Variants in SMYD3 observed in about 807,000 individuals in gnomAD.
The protein encoded by SMYD3 is histone-lysine N-methyltransferase SMYD3.
SMYD3 carries 36 observed loss-of-function variants against 57.7 expected under a neutral mutation model. The ratio of observed to expected loss-of-function variants is 0.62; its 90% confidence interval spans 0.48 to 0.82. The LOEUF (loss-of-function observed/expected upper bound fraction) is 0.82, where lower values mean the gene tolerates loss of function less well. SMYD3 is among the 40% of genes least tolerant of loss of function. The pLI is 0.00. For missense variants in SMYD3, 515 were observed against 538.8 expected, an observed-to-expected ratio of 0.96 and a Z score of 0.44; for synonymous variants, 211 against 195.0, an observed-to-expected ratio of 1.08 and a Z score of -0.68.
rs753062449 is a variant in SMYD3 at position 246,202,677 on chromosome 1, C to T, written c.531+124524G>A. 3.2e-4 allele frequency among the ~76,000 whole-genome samples: 48 copies of T among 152,316 alleles called. No homozygotes were observed. The highest frequency in any genetic ancestry group is 5.9e-4 in the Non-Finnish European group (40 of 68,036). On this transcript the variant is annotated intron_variant, in intron 5 of 11. Coordinates refer to ENST00000490107, the MANE Select transcript of SMYD3 (RefSeq NM_001167740.2). This position sits in a 1 kb window ranked among gnomAD's most constrained non-coding sequence, Gnocchi z 4.1. ...TGACAACAAGGACTTCCTGGTATCA[C>T]GCTAGCTAACAAAATATACTCCAAA...
At chr1:246,171,033 C>A (rs968218011) in intron 5 of SMYD3, among the ~76,000 whole-genome samples, 4 of 152,026 alleles carry the variant, frequency 2.6e-5, no homozygotes, top group African/African-American at 7.2e-5. Flanking sequence ...TTCAGATTAT[C>A]AATTTCTGAG....
At chr1:246,209,374 T>C (rs765867968) in intron 5 of SMYD3, among the ~76,000 whole-genome samples, 24 of 152,106 alleles carry the variant, frequency 1.6e-4, no homozygotes, top group Non-Finnish European at 2.8e-4. Flanking sequence ...TACTACAAAA[T>C]GGCATAAGGC....
chr1:246,352,615 T>C (rs558423809), intron 2 of SMYD3, among the ~76,000 whole-genome samples: 1 of 152,356 alleles, frequency 6.6e-6, no homozygotes, highest in South Asian at 2.1e-4. Flanking sequence ...CTAGCTGTTT[T>C]CCTGTTACCT....
chr1:245,841,454 C>T (rs2050396132), intron 10 of SMYD3, among the ~76,000 whole-genome samples: 1 of 152,102 alleles, frequency 6.6e-6, no homozygotes, highest in Admixed American at 6.6e-5. Flanking sequence ...GACCTACTGG[C>T]CTTTATTGTG....
intron 5 of SMYD3, among the ~76,000 whole-genome samples, chr1:246,147,305 G>C (rs1246678404): frequency 6.6e-6 from 1 of 152,162 alleles, no homozygotes; most frequent in South Asian, 2.1e-4. Flanking sequence ...ACACCTCCGG[G>C]GAGTCATGTC....
intron 5 of SMYD3, among the ~76,000 whole-genome samples, chr1:246,285,680 A>C (rs7552866): frequency 0.35 from 53,938 of 152,058 alleles, 10,287 homozygotes; most frequent in East Asian, 0.73. Flanking sequence ...GCATGGCAAA[A>C]GGAACAGTCA....
chr1:246,053,398 T>TG, intron 5 of SMYD3, among the ~76,000 whole-genome samples: 1 of 151,370 alleles, frequency 6.6e-6, no homozygotes, highest in Non-Finnish European at 1.5e-5. Context: ...AAAAAAAAAG[T>TG]TAGAGGGCAT....
chr1:245,793,085 T>A lies in SMYD3; in HGVS notation c.1077-28936A>T, dbSNP rs56315243. On this transcript the variant is annotated intron_variant, in intron 10 of 11. Transcript: ENST00000490107. ...CAGCACTTTGGGAGGCCGAGGCGGG[T>A]GATCACGAAATCAGGAGATCAAGAC... Among the ~76,000 whole-genome samples, 270 of 146,450 alleles carry A rather than the reference T, an allele frequency of 1.8e-3. 1 individual carries two copies. The highest frequency in any genetic ancestry group is 7.0e-3 in the Middle Eastern group (2 of 284).
chr1:246,103,344 G>C (rs2061053161), intron 5 of SMYD3, among the ~76,000 whole-genome samples: 1 of 151,960 alleles, frequency 6.6e-6, no homozygotes, highest in Admixed American at 6.6e-5. Context: ...AGGCTATCGA[G>C]AGTGATGCTT....
intron 1 of SMYD3, among the ~76,000 whole-genome samples, chr1:246,408,432 G>A (rs2066904909): frequency 6.6e-6 from 1 of 152,022 alleles, no homozygotes; most frequent in Admixed American, 6.6e-5. Flanking sequence ...GATGTCCTCT[G>A]CTCGGCATCT....
intron 5 of SMYD3, among the ~76,000 whole-genome samples, chr1:246,117,438 T>G (rs1291904515): frequency 1.3e-5 from 2 of 152,156 alleles, no homozygotes; most frequent in Admixed American, 1.3e-4. Context: ...CGAAGCCAGG[T>G]TTCGCAGAAT....
At chr1:245,883,588 A>G (rs4654151) in intron 8 of SMYD3, among the ~76,000 whole-genome samples, 151,931 of 152,296 alleles carry the variant, frequency 1, 75,786 homozygotes, top group Middle Eastern at 1. Context: ...TTGGGGTCCC[A>G]ACGCTAAAAG....
At chr1:245,856,132 T>G (rs1006471329) in intron 10 of SMYD3, among the ~76,000 whole-genome samples, 6 of 152,206 alleles carry the variant, frequency 3.9e-5, no homozygotes, top group African/African-American at 1.4e-4. Flanking sequence ...GCTAACAGGG[T>G]TGCAGGGTAC....
intron 5 of SMYD3, among the ~76,000 whole-genome samples, chr1:246,038,656 A>T (rs1035515029): frequency 1.3e-5 from 2 of 152,226 alleles, no homozygotes; most frequent in Non-Finnish European, 2.9e-5. Flanking sequence ...CCATTCTATC[A>T]GGCTTTGCCT....
chr1:246,183,944 C>T (rs540438066), intron 5 of SMYD3, among the ~76,000 whole-genome samples: 2 of 152,252 alleles, frequency 1.3e-5, no homozygotes, highest in African/African-American at 4.8e-5. Context: ...TAACAGGATA[C>T]ATATCAAAGT....
chr1:246,044,094 A>G (rs1024810630), intron 5 of SMYD3, among the ~76,000 whole-genome samples: 10 of 152,160 alleles, frequency 6.6e-5, no homozygotes, highest in Admixed American at 6.5e-4. Context: ...ACGGAGAGAG[A>G]TCATTCCACA....
intron 1 of SMYD3, among the ~76,000 whole-genome samples, chr1:246,363,095 G>T (rs2066027625): frequency 6.6e-6 from 1 of 151,624 alleles, no homozygotes; most frequent in Non-Finnish European, 1.5e-5. Context: ...GAGGTGAGGA[G>T]CGTCTCTGCC....
intron 5 of SMYD3, among the ~76,000 whole-genome samples, chr1:245,955,137 G>A (rs2057790866): frequency 6.6e-6 from 1 of 152,158 alleles, no homozygotes; most frequent in South Asian, 2.1e-4. Flanking sequence ...TGTCGCCCAG[G>A]CTGGACTGCA....
chr1:246,385,200 A>G (rs116834171), intron 1 of SMYD3, among the ~76,000 whole-genome samples: 9,883 of 152,278 alleles, frequency 0.065, 348 homozygotes, highest in Middle Eastern at 0.19. Context: ...AACTATGTGC[A>G]TAACACAATA....
Sources: allele counts gnomAD v4.1 joint callset (sites outside exome capture counted in the v4.1 genomes callset), GRCh38; gene constraint gnomAD v4.1.1; non-coding constraint Gnocchi (gnomAD v3.1); transcripts MANE v1.5; gene names NCBI Gene and HGNC (gene_info 2026-07-23, HGNC 2026-07-21).